Variants in GON4L observed in about 807,000 individuals in gnomAD.
GON4L encodes the protein GON-4-like protein.
Under a neutral mutation model 211.8 loss-of-function variants are expected in GON4L, and 87 were observed. The ratio of observed to expected loss-of-function variants is 0.41; its 90% confidence interval spans 0.35 to 0.49. The LOEUF (loss-of-function observed/expected upper bound fraction) is 0.49, where lower values mean the gene tolerates loss of function less well. GON4L is among the 20% of genes least tolerant of loss of function. The probability of loss-of-function intolerance (pLI) is 0.15; values close to 1 mark genes in which losing one functional copy is unlikely to be tolerated. For missense variants in GON4L, 2,155 were observed against 2,659.5 expected, an observed-to-expected ratio of 0.81 and a Z score of 4.17; for synonymous variants, 875 against 962.6, an observed-to-expected ratio of 0.91 and a Z score of 1.68.
intron 17 of GON4L, 55 bp from the exon 18 acceptor site, chr1:155,773,265 TA>T: frequency 1.2e-6 from 2 of 1,603,216 alleles, no homozygotes; most frequent in Non-Finnish European, 1.7e-6. Context: ...GAGGGCTTCA[TA>T]AAAGCCTGTG....
Position 155,750,248 on chromosome 1 carries a change from T to C in GON4L, c.*336A>G. 1 of 566,578 alleles carries C rather than the reference T, an allele frequency of 1.8e-6. No homozygotes were observed. Among genetic ancestry groups the C allele is most frequent in the Non-Finnish European group, 3.1e-6 (1 of 317,668 alleles). 35.1% of individuals were successfully genotyped at this position (566,578 alleles called of 1,614,324 possible). A position where few individuals can be genotyped will look rare whatever the true frequency, so the allele number is the denominator to read the frequency against. On this transcript the variant is annotated 3_prime_UTR_variant, in exon 32 of 32. Transcript: ENST00000368331. Reference sequence around the variant, plus strand: ...TGTCGCGGGACTAGCTACACCAACATATGCACTTTTTACATTTAGAAACAC... The same window carrying C: ...TGTCGCGGGACTAGCTACACCAACACATGCACTTTTTACATTTAGAAACAC...
At chr1:155,822,618 G>A (rs1201861867) in intron 3 of GON4L, 142 bp from the exon 4 acceptor site, 39 of 705,972 alleles carry the variant, frequency 5.5e-5, no homozygotes, top group Non-Finnish European at 9.4e-5. Flanking sequence ...CATATTATAT[G>A]ACGGTATAAC....
intron 16 of GON4L, 42 bp from the exon 17 acceptor site, chr1:155,775,215 A>G: frequency 6.2e-7 from 1 of 1,613,182 alleles, no homozygotes; most frequent in Non-Finnish European, 8.5e-7. Flanking sequence ...ACAATTCCAG[A>G]CAATTAATAC....
chr1:155,821,174 G>A lies in GON4L; in HGVS notation c.963+300C>T, dbSNP rs1239497659. Among the ~76,000 whole-genome samples, 9 of 152,118 alleles carry A rather than the reference G, an allele frequency of 5.9e-5. No homozygotes were observed. In the South Asian group the frequency reaches 1.9e-3, roughly 32 times the overall value. ...CCAGCTACTCAGGAGGCTGAGGCAG[G>A]ACAATGGCCTGAACCCGGGAGGCGG... On this transcript the variant is annotated intron_variant, in intron 5 of 31. Transcript: ENST00000368331.
At chr1:155,767,919 C>T (rs1159046238) in intron 19 of GON4L, among the ~76,000 whole-genome samples, 5 of 152,092 alleles carry the variant, frequency 3.3e-5, no homozygotes, top group Admixed American at 2.6e-4. Flanking sequence ...TAATCTATAC[C>T]TTGGACACAT....
intron 2 of GON4L, among the ~76,000 whole-genome samples, chr1:155,841,619 C>T (rs1670778878): frequency 1.3e-5 from 2 of 152,214 alleles, no homozygotes; most frequent in Admixed American, 6.5e-5. Context: ...CTATAAGTCA[C>T]TTGAATCTAA....
At chr1:155,794,239 T>C (rs1208841377) in intron 12 of GON4L, among the ~76,000 whole-genome samples, 2 of 152,124 alleles carry the variant, frequency 1.3e-5, no homozygotes, top group Non-Finnish European at 2.9e-5. Context: ...GCCTGGCTAA[T>C]TTTTGTATTT....
intron 2 of GON4L, among the ~76,000 whole-genome samples, chr1:155,828,990 A>G (rs1310629431): frequency 6.6e-6 from 1 of 151,990 alleles, no homozygotes; most frequent in Non-Finnish European, 1.5e-5. Flanking sequence ...TGTACTTTTT[A>G]TATTTCTGAA....
chr1:155,745,550 C>G (rs1660226038), downstream of GON4L, among the ~76,000 whole-genome samples: 2 of 152,226 alleles, frequency 1.3e-5, no homozygotes. Context: ...GGCCCCAAGT[C>G]AGCGGCGGAG....
At chr1:155,838,336 T>G (rs1481399304) in intron 2 of GON4L, among the ~76,000 whole-genome samples, 1 of 152,220 alleles carries the variant, frequency 6.6e-6, no homozygotes, top group Non-Finnish European at 1.5e-5. Flanking sequence ...AATTTAAGAT[T>G]GTTGGCTCAA....
chr1:155,781,651 C>T (rs1002909969), intron 14 of GON4L, among the ~76,000 whole-genome samples: 10 of 149,742 alleles, frequency 6.7e-5, no homozygotes, highest in Admixed American at 2.7e-4. Context: ...TTAGTAGAGA[C>T]GGGGTTTCAC....
rs1487869847 is a variant in GON4L, at chr1:155,750,067, T to C, written c.*517A>G. On this transcript the variant is annotated 3_prime_UTR_variant, in exon 32 of 32. Transcript: ENST00000368331. ...GATGCTGGAGTGGAGCACGATGACG[T>C]AGCAGAGCTGCTGCAGGAGCTACAA... is the stretch of plus-strand genomic sequence containing the variant. The C allele has an allele frequency of 6.6e-6, 7 of 1,057,238 alleles. No individual in the cohort carries two copies. Among genetic ancestry groups the C allele is most frequent in the African/African-American group, 1.8e-5 (1 of 56,462 alleles). The allele number at this position is 1,057,238 out of a possible 1,614,324, so 65.5% of individuals were successfully genotyped here. A position where few individuals can be genotyped will look rare whatever the true frequency, so the allele number is the denominator to read the frequency against.
In GON4L at chr1:155,796,685, C is replaced by G. The variant is rs565616404; in HGVS notation, c.1646-1534G>C. Among the ~76,000 whole-genome samples the G allele has an allele frequency of 3.3e-5, 5 of 152,008 alleles. No individual in the cohort carries two copies. In the South Asian group the frequency reaches 1.0e-3, roughly 32 times the overall value. ...TTATATATTAAGGTAATATTTTTCT[C>G]CAGATAATTTTAGATCAGTGTTGTC... On this transcript the variant is annotated intron_variant, in intron 11 of 31. Transcript: ENST00000368331.
At chr1:155,777,872 C>T (rs1164009301) in intron 14 of GON4L, 52 bp from the exon 15 acceptor site, 1 of 1,072,858 alleles carries the variant, frequency 9.3e-7, no homozygotes, top group Non-Finnish European at 1.4e-6. Flanking sequence ...AGGTCCACAA[C>T]ACATCCAATT....
intron 25 of GON4L, 81 bp from the exon 26 acceptor site, chr1:155,757,404 A>T: frequency 8.1e-7 from 1 of 1,238,372 alleles, no homozygotes; most frequent in Non-Finnish European, 1.1e-6. Flanking sequence ...ACATACTTCC[A>T]TGTTCTGCTT....
chr1:155,847,396 C>A (rs555757409), intron 2 of GON4L, among the ~76,000 whole-genome samples: 1 of 152,070 alleles, frequency 6.6e-6, no homozygotes, highest in African/African-American at 2.4e-5. Flanking sequence ...ATGGCAAAAA[C>A]GCATCTCAAT....
intron 17 of GON4L, among the ~76,000 whole-genome samples, chr1:155,774,604 G>A (rs1427982390): frequency 1.3e-5 from 2 of 152,096 alleles, no homozygotes; most frequent in Non-Finnish European, 2.9e-5. Flanking sequence ...ACCGCGCCTG[G>A]CCTTAGTTGA....
At chr1:155,773,848 G>A (rs1398163313) in intron 17 of GON4L, among the ~76,000 whole-genome samples, 2 of 152,120 alleles carry the variant, frequency 1.3e-5, no homozygotes, top group African/African-American at 2.4e-5. Flanking sequence ...TATATCCCCA[G>A]AAGAAAGCAA....
chr1:155,857,573 T>G (rs1465294714), upstream of GON4L, among the ~76,000 whole-genome samples: 1 of 152,036 alleles, frequency 6.6e-6, no homozygotes, highest in Non-Finnish European at 1.5e-5. Context: ...CTACTAAATA[T>G]ACAAAATTAG....
Sources: gnomAD v4.1 joint callset for allele counts (sites outside exome capture counted in the v4.1 genomes callset) on GRCh38, gnomAD v4.1.1 for gene constraint, MANE v1.5 for transcripts, NCBI Gene and HGNC (gene_info 2026-07-23, HGNC 2026-07-21) for gene names.